The following DNAH1 variants were observed in gnomAD, a reference collection of about 807,000 sequenced individuals.
The protein encoded by DNAH1 is dynein axonemal heavy chain 1.
In DNAH1, 327 loss-of-function variants were observed where a neutral mutation model predicts 484.3. The observed-to-expected ratio is 0.68, with a 90% CI of 0.62 to 0.74. The LOEUF is 0.74. DNAH1 is among the 30% of genes least tolerant of loss of function. The probability of loss-of-function intolerance (pLI) is 0.00; values close to 1 mark genes in which losing one functional copy is unlikely to be tolerated. For missense variants in DNAH1, 5,052 were observed against 5,546.8 expected, an observed-to-expected ratio of 0.91 and a Z score of 2.83; for synonymous variants, 2,192 against 2,191.9, an observed-to-expected ratio of 1.00 and a Z score of 0.00.
intron 42 of DNAH1, 61 bp from the exon 43 acceptor site, chr3:52,372,166 G>T (rs533628527): frequency 1.2e-6 from 2 of 1,610,254 alleles, no homozygotes; most frequent in Admixed American, 3.3e-5. Context: ...ATGGATGCAG[G>T]GGCAGCTCCT....
chr3:52,397,557 G>C, intron 73 of DNAH1, 150 bp from the exon 74 acceptor site: 5 of 710,496 alleles, frequency 7.0e-6, no homozygotes, highest in Non-Finnish European at 9.0e-6. Context: ...CAGAGGCCTG[G>C]AGTCCCAAGA....
Position 52,379,813 on chromosome 3 carries a change from G to T in DNAH1, c.7378-92G>T, listed in dbSNP as rs574915283. ...AGCCAGGCTCCAGTCAGGGCCCCAG[G>T]AACTGGGGCCCACCCTCCCTTGCCT... On this transcript the variant is annotated intron_variant, in intron 47 of 77. Coordinates refer to ENST00000420323, the MANE Select transcript of DNAH1 (RefSeq NM_015512.5). The surrounding 1 kb of genome is among the most constrained non-coding windows in gnomAD (Gnocchi z 4.4). The T allele has an allele frequency of 4.9e-5, 56 of 1,151,216 alleles. No homozygotes were observed. In the African/African-American group the frequency reaches 6.7e-4, roughly 14 times the overall value. The allele number at this position is 1,151,216 out of a possible 1,614,324, so 71.3% of individuals were successfully genotyped here.
In DNAH1 at chr3:52,391,190, T is replaced by C; in HGVS notation, c.9753T>C (p.Asn3251=). ...NKWIKNMEKD[N]GLDVFKLSDR... ...CCCTTCCCTTACAGGAGAAGGACAATGGGCTGGATGTGTTCAAGTTGAGTG... is the reference window on the plus strand; with the variant it reads ...CCCTTCCCTTACAGGAGAAGGACAACGGGCTGGATGTGTTCAAGTTGAGTG... The change falls in exon 62 of 78, where the codon AAT becomes AAC. Residue 3251 remains asparagine (N), a synonymous_variant. Coordinates refer to ENST00000420323, the MANE Select transcript of DNAH1 (RefSeq NM_015512.5). 2.5e-6 allele frequency: 4 copies of C among 1,613,754 alleles called. No homozygotes were observed. The highest frequency in any genetic ancestry group is 4.5e-5 in the East Asian group (2 of 44,878).
At chr3:52,373,808 T>C (rs930609313) in intron 44 of DNAH1, 27 of 1,424,382 alleles carry the variant, frequency 1.9e-5, no homozygotes, top group Admixed American at 1.8e-4. Flanking sequence ...TCACCCATAA[T>C]TGGAATGTGA....
chr3:52,399,339 T>C, intron 76 of DNAH1, 138 bp downstream of exon 76: 2 of 1,052,760 alleles, frequency 1.9e-6, no homozygotes, highest in Non-Finnish European at 2.8e-6. Context: ...GAAGAGGCCA[T>C]GAGTCCCAGG....
rs1578118270 is a variant in DNAH1, at chr3:52,349,406, A to G, written c.2512A>G (p.Lys838Glu). 1 of 1,613,776 alleles carries G rather than the reference A, an allele frequency of 6.2e-7. No homozygotes were observed. The highest frequency in any genetic ancestry group is 8.5e-7 in the Non-Finnish European group (1 of 1,179,864). ...VLDILAKNLH[K>E]EVDSICEEFR... ...GGACATCCTTGCCAAGAACCTGCATAAGGAGGTGGATAGCGTAAGTGCCCA... is the reference window on the plus strand; with the variant it reads ...GGACATCCTTGCCAAGAACCTGCATGAGGAGGTGGATAGCGTAAGTGCCCA... Residue 838 changes from lysine to glutamate, a missense_variant, in exon 14 of 78, where the codon AAG (lysine) becomes GAG (glutamate). Around this residue, in one of 4 missense-constraint regions of DNAH1, gnomAD observed 1,263 missense variants for 1,218.8 expected, o/e 1.04. Transcript: ENST00000420323.
chr3:52,356,648 C>G lies in DNAH1; in HGVS notation c.3728C>G (p.Ser1243Cys), dbSNP rs1487280526. 3.7e-6 allele frequency: 6 copies of G among 1,613,756 alleles called. No homozygotes were observed. Among genetic ancestry groups the G allele is most frequent in the East Asian group, 2.2e-5 (1 of 44,896 alleles). Residue 1243 changes from serine to cysteine, a missense_variant, in exon 22 of 78, where the codon TCC becomes TGC. Ser to Cys is a moderately radical substitution (Grantham distance 112). Around this residue, in one of 4 missense-constraint regions of DNAH1, gnomAD observed 2,929 missense variants for 3,409.4 expected, o/e 0.86. Coordinates refer to ENST00000420323, the MANE Select transcript of DNAH1 (RefSeq NM_015512.5). ...VLEEWLNCQR[S>C]WLYLEPIFSS... ...GAGGAGTGGCTGAACTGTCAGCGGT[C>G]CTGGCTCTACCTGGAGCCCATCTTT... is the stretch of plus-strand genomic sequence containing the variant.
At chr3:52,372,499 AG>A (rs1186470851) in intron 43 of DNAH1, 112 bp downstream of exon 43, 2 of 1,437,942 alleles carry the variant, frequency 1.4e-6, no homozygotes, top group African/African-American at 2.8e-5. Context: ...GGAACCTCCC[AG>A]GGGGAGCTGA....
chr3:52,336,673 C>T (rs1312795216), intron 8 of DNAH1, among the ~76,000 whole-genome samples: 3 of 152,176 alleles, frequency 2.0e-5, no homozygotes, highest in African/African-American at 7.2e-5. Context: ...ATCCCAGCAC[C>T]ATTTATTGAA....
Position 52,348,267 on chromosome 3 carries a change from C to A in DNAH1, c.2106+293C>A, listed in dbSNP as rs551952138. Among the ~76,000 whole-genome samples the A allele has an allele frequency of 5.3e-5, 8 of 152,290 alleles. No individual in the cohort carries two copies. The South Asian group carries it at 1.7e-3, about 32-fold the overall frequency. On this transcript the variant is annotated intron_variant, in intron 12 of 77. Coordinates refer to ENST00000420323, the MANE Select transcript of DNAH1 (RefSeq NM_015512.5). ...AGGCTTGGAGAAGTGTAATAGTTAG[C>A]CTAAGATTGCATAGCTGCTAAGTGT...
Position 52,370,834 on chromosome 3 carries a change from A to C in DNAH1, c.6525+9A>C. ...AGGAGGAATACAAGCAGGTGGCCGC[A>C]GGCCCTCCCCAGAGACTGCACAGGG... On this transcript the variant is annotated intron_variant, in intron 41 of 77. Coordinates refer to ENST00000420323, the MANE Select transcript of DNAH1 (RefSeq NM_015512.5). 6.3e-7 allele frequency: 1 copy of C among 1,583,296 alleles called. No individual in the cohort carries two copies. The highest frequency in any genetic ancestry group is 2.3e-5 in the East Asian group (1 of 43,330).
At chr3:52,389,875 G>T (rs2153225498) in intron 60 of DNAH1, among the ~76,000 whole-genome samples, 1 of 152,352 alleles carries the variant, frequency 6.6e-6, no homozygotes, top group South Asian at 2.1e-4. Flanking sequence ...ATTTTGGGAG[G>T]CCAAGGTGGG....
At chr3:52,347,532 GGA>G (rs1365548134) in intron 11 of DNAH1, among the ~76,000 whole-genome samples, 2 of 152,198 alleles carry the variant, frequency 1.3e-5, no homozygotes, top group Non-Finnish European at 2.9e-5. Flanking sequence ...GGGCTCCCGG[GGA>G]GAGAGTGGGG....
At chr3:52,334,248 A>G (rs1237736450) in intron 8 of DNAH1, among the ~76,000 whole-genome samples, 1 of 152,222 alleles carries the variant, frequency 6.6e-6, no homozygotes, top group Admixed American at 6.5e-5. Context: ...CATGTATCTA[A>G]ACATAGAAAA....
intron 44 of DNAH1, chr3:52,374,189 T>A: frequency 7.6e-7 from 1 of 1,314,262 alleles, no homozygotes; most frequent in Non-Finnish European, 1.1e-6. Context: ...ATTTTATAGG[T>A]TTATTTATGA....
chr3:52,377,505 A>G (rs934211019), intron 46 of DNAH1, among the ~76,000 whole-genome samples: 3 of 151,772 alleles, frequency 2.0e-5, no homozygotes, highest in Non-Finnish European at 4.4e-5. Flanking sequence ...TCATTCCATC[A>G]GTCCACACTC....
At chr3:52,344,756 C>G in intron 9 of DNAH1, 109 bp downstream of exon 9, 1 of 1,216,710 alleles carries the variant, frequency 8.2e-7, no homozygotes, top group Non-Finnish European at 1.1e-6. Flanking sequence ...CGTCATCAGC[C>G]CAACACTCCC....
Position 52,327,920 on chromosome 3 carries a change from A to G in DNAH1, c.777A>G (p.Arg259=). 5 of 1,613,986 alleles carry G rather than the reference A, an allele frequency of 3.1e-6. No individual in the cohort carries two copies. Among genetic ancestry groups the G allele is most frequent in the African/African-American group, 1.3e-5 (1 of 75,064 alleles). The change falls in exon 6 of 78, where the codon AGA becomes AGG. Residue 259 remains arginine, a synonymous_variant. Coordinates refer to ENST00000420323, the MANE Select transcript of DNAH1 (RefSeq NM_015512.5). ...DNEDFDCRTP[R]EWINMGLEPG... ...AGGACTTTGACTGCCGGACTCCCAG[A>G]GAGTGGATCAACATGGGCTTGGAGC...
chr3:52,379,847 G>A lies in DNAH1; in HGVS notation c.7378-58G>A. On this transcript the variant is annotated intron_variant, in intron 47 of 77. Coordinates refer to ENST00000420323, the MANE Select transcript of DNAH1 (RefSeq NM_015512.5). This position sits in a 1 kb window ranked among gnomAD's most constrained non-coding sequence, Gnocchi z 4.4. ...CCCACCCTCCCTTGCCTGGTGGTTT[G>A]AGAGATAGCTGAGGGCTTGGGGGCC... is the stretch of plus-strand genomic sequence containing the variant. 1 of 1,471,102 alleles carries A rather than the reference G, an allele frequency of 6.8e-7. No homozygotes were observed. The highest frequency in any genetic ancestry group is 9.2e-7 in the Non-Finnish European group (1 of 1,086,544). The allele number at this position is 1,471,102 out of a possible 1,614,324, so 91.1% of individuals were successfully genotyped here.
Sources: allele counts gnomAD v4.1 joint callset (sites outside exome capture counted in the v4.1 genomes callset), GRCh38; gene constraint gnomAD v4.1.1; regional missense constraint gnomAD v4.1.1; non-coding constraint Gnocchi (gnomAD v3.1); transcripts MANE v1.5; gene names NCBI Gene and HGNC (gene_info 2026-07-23, HGNC 2026-07-21).